Variants in MAPKAP1 observed in about 807,000 individuals in gnomAD.
MAPKAP1 encodes target of rapamycin complex 2 subunit MAPKAP1.
A neutral mutation model predicts 65.7 loss-of-function variants in MAPKAP1; 20 were observed. The ratio of observed to expected loss-of-function variants is 0.30; its 90% CI spans 0.21 to 0.44. The LOEUF is 0.44. Among genes scored for constraint, MAPKAP1 ranks in the 20% least tolerant of loss-of-function variants. MAPKAP1 has a pLI of 1.00. For missense variants in MAPKAP1, 423 were observed against 648.0 expected, an observed-to-expected ratio of 0.65 and a Z score of 3.77; for synonymous variants, 222 against 244.3, an observed-to-expected ratio of 0.91 and a Z score of 0.85.
chr9:125,667,491 T>C (rs1277868000), intron 3 of MAPKAP1, among the ~76,000 whole-genome samples: 1 of 152,238 alleles, frequency 6.6e-6, no homozygotes, highest in Non-Finnish European at 1.5e-5. Context: ...AGCTAATTTA[T>C]ATTTTTAGTT....
intron 4 of MAPKAP1, among the ~76,000 whole-genome samples, chr9:125,652,650 A>G (rs181887193): frequency 2.5e-4 from 38 of 152,276 alleles, no homozygotes; most frequent in Admixed American, 2.4e-3. Flanking sequence ...TTCCCCTTAT[A>G]TTTAGAAAAT....
In MAPKAP1 at chr9:125,444,637, G is replaced by A. The variant is rs769635019; in HGVS notation, c.1346-39C>T. ...AAACTGTGTTGAGGGGTTCTGGTGA[G>A]TTAACTATGGCGGGGGCCTCCATAT... On this transcript the variant is annotated intron_variant, in intron 10 of 11. Coordinates refer to ENST00000265960, the MANE Select transcript of MAPKAP1 (RefSeq NM_001006617.3). 4.5e-5 allele frequency: 65 copies of A among 1,454,704 alleles called. No homozygotes were observed. The South Asian group carries it at 7.3e-4, about 16-fold the overall frequency. 90.1% of individuals were successfully genotyped at this position (1,454,704 alleles called of 1,614,324 possible). A position where few individuals can be genotyped will look rare whatever the true frequency, so the allele number is the denominator to read the frequency against.
intron 6 of MAPKAP1, among the ~76,000 whole-genome samples, chr9:125,545,785 C>A (rs1287573576): frequency 6.6e-6 from 1 of 152,110 alleles, no homozygotes; most frequent in East Asian, 1.9e-4. Flanking sequence ...TGTCATTTTA[C>A]CAAAACGTAC....
intron 11 of MAPKAP1, among the ~76,000 whole-genome samples, chr9:125,444,154 C>T (rs1405521998): frequency 6.6e-6 from 1 of 152,228 alleles, no homozygotes; most frequent in African/African-American, 2.4e-5. Context: ...AGAGTCTGCT[C>T]CAGGAGCTTC....
At chr9:125,625,274 A>G (rs2416966) in intron 4 of MAPKAP1, among the ~76,000 whole-genome samples, 23 of 139,920 alleles carry the variant, frequency 1.6e-4, no homozygotes, top group African/African-American at 5.5e-4. Context: ...AAAAAAAAAA[A>G]AAAAAACAAG....
chr9:125,518,031 T>C (rs1465441601), intron 7 of MAPKAP1, among the ~76,000 whole-genome samples: 1 of 152,228 alleles, frequency 6.6e-6, no homozygotes, highest in Non-Finnish European at 1.5e-5. Flanking sequence ...TGGTGCTTAA[T>C]AATCGTTGTT....
At chr9:125,679,188 G>T (rs567643582) in intron 1 of MAPKAP1, among the ~76,000 whole-genome samples, 1 of 152,248 alleles carries the variant, frequency 6.6e-6, no homozygotes, top group Non-Finnish European at 1.5e-5. Flanking sequence ...TTTTAGTAGA[G>T]ACAGGGTTTC....
At chr9:125,544,043 GTC>G (rs1830345952) in intron 6 of MAPKAP1, among the ~76,000 whole-genome samples, 1 of 150,728 alleles carries the variant, frequency 6.6e-6, no homozygotes, top group Non-Finnish European at 1.5e-5. Flanking sequence ...TTTTTGAGAT[GTC>G]TGTCACCCAG....
intron 6 of MAPKAP1, among the ~76,000 whole-genome samples, chr9:125,547,219 G>C (rs1486110123): frequency 6.6e-6 from 1 of 152,126 alleles, no homozygotes; most frequent in Non-Finnish European, 1.5e-5. Flanking sequence ...TCTGTACTAA[G>C]CAGTAAGCGA....
intron 4 of MAPKAP1, among the ~76,000 whole-genome samples, chr9:125,591,868 T>C (rs537550752): frequency 7.2e-5 from 11 of 152,318 alleles, no homozygotes; most frequent in Non-Finnish European, 1.3e-4. Context: ...CAATATTCCA[T>C]AGATGTCTAA....
chr9:125,460,768 G>C (rs1449489457), intron 10 of MAPKAP1, among the ~76,000 whole-genome samples: 1 of 152,238 alleles, frequency 6.6e-6, no homozygotes, highest in Admixed American at 6.5e-5. Flanking sequence ...CACTACAACT[G>C]TGAGAAGTTC....
intron 1 of MAPKAP1, among the ~76,000 whole-genome samples, chr9:125,693,799 A>G (rs1056062038): frequency 1.4e-5 from 2 of 147,710 alleles, no homozygotes; most frequent in African/African-American, 2.5e-5. Context: ...ATATACACAC[A>G]TATATATACA....
rs1289455944 is a variant in MAPKAP1, at chr9:125,660,531, T to C, written c.350-2732A>G. Among the ~76,000 whole-genome samples the C allele has an allele frequency of 3.3e-5, 5 of 152,298 alleles. No individual in the cohort carries two copies. The East Asian group carries it at 9.6e-4, about 29-fold the overall frequency. On this transcript the variant is annotated intron_variant, in intron 3 of 11. Coordinates refer to ENST00000265960, the MANE Select transcript of MAPKAP1 (RefSeq NM_001006617.3). ...TCTAACCCTAAACACTCCCTGAAAT[T>C]ATAGACATCCAACTTTCTACTGGAC...
At chr9:125,502,622 G>A (rs2133075152) in intron 8 of MAPKAP1, among the ~76,000 whole-genome samples, 1 of 151,988 alleles carries the variant, frequency 6.6e-6, no homozygotes, top group South Asian at 2.1e-4. Flanking sequence ...TTTTTTCCTA[G>A]CCTAATTTCA....
intron 4 of MAPKAP1, among the ~76,000 whole-genome samples, chr9:125,622,122 T>A (rs1360325765): frequency 6.6e-6 from 1 of 152,140 alleles, no homozygotes; most frequent in Non-Finnish European, 1.5e-5. Context: ...TTGTGGGTAT[T>A]GGAGGCTGGG....
intron 1 of MAPKAP1, among the ~76,000 whole-genome samples, chr9:125,701,634 C>T (rs1014752949): frequency 6.6e-6 from 1 of 152,160 alleles, no homozygotes; most frequent in African/African-American, 2.4e-5. Flanking sequence ...GTGATGATTA[C>T]CCCCTTTGTA....
At chr9:125,703,823 T>C (rs529715099) in intron 1 of MAPKAP1, among the ~76,000 whole-genome samples, 31 of 151,966 alleles carry the variant, frequency 2.0e-4, no homozygotes, top group African/African-American at 4.1e-4. Flanking sequence ...ATATAATAAT[T>C]TGACATCTAC....
intron 6 of MAPKAP1, among the ~76,000 whole-genome samples, chr9:125,543,720 G>A (rs766286008): frequency 6.6e-6 from 1 of 152,184 alleles, no homozygotes; most frequent in African/African-American, 2.4e-5. Context: ...GAGAGGTCAC[G>A]CTTAGGGAAG....
At chr9:125,521,668 A>G in intron 7 of MAPKAP1, 1 of 1,559,368 alleles carries the variant, frequency 6.4e-7, no homozygotes, top group Non-Finnish European at 8.6e-7. Context: ...AAGGTTTCTG[A>G]CATCCAGTCC....
Sources: gnomAD v4.1 joint callset for allele counts (sites outside exome capture counted in the v4.1 genomes callset) on GRCh38, gnomAD v4.1.1 for gene constraint, MANE v1.5 for transcripts, NCBI Gene and HGNC (gene_info 2026-07-23, HGNC 2026-07-21) for gene names.